Variants in CEP63 observed in about 807,000 individuals in gnomAD.
The protein encoded by CEP63 is centrosomal protein of 63 kDa.
In CEP63, 84 loss-of-function variants were observed where a neutral mutation model predicts 89.1. The ratio of observed to expected loss-of-function variants is 0.94; its 90% confidence interval spans 0.79 to 1.13. The LOEUF is 1.13. CEP63 is among the 50% of genes most tolerant of loss of function. The pLI is 0.00. For missense variants in CEP63, 838 were observed against 813.3 expected (o/e 1.03, Z -0.37); for synonymous variants, 267 against 272.5 (o/e 0.98, Z 0.20).
the CEP63 span, among the ~76,000 whole-genome samples, chr3:134,612,071 C>T: frequency 6.6e-6 from 1 of 152,200 alleles, no homozygotes; most frequent in African/African-American, 2.4e-5. Flanking sequence ...GCCTTAACCT[C>T]TGCTCACCTG....
chr3:134,704,396 T>A, the CEP63 span, among the ~76,000 whole-genome samples: 1 of 151,824 alleles, frequency 6.6e-6, no homozygotes, highest in Non-Finnish European at 1.5e-5. Flanking sequence ...AGTAGACATT[T>A]AGTAGGGGAG....
chr3:134,689,442 T>TTTTTTATTA, the CEP63 span, among the ~76,000 whole-genome samples: 19 of 96,432 alleles, frequency 2.0e-4, no homozygotes, highest in East Asian at 1.6e-3. Context: ...AAGGACCTTA[T>TTTTTTATTA]TTATTATTAT....
the CEP63 span, among the ~76,000 whole-genome samples, chr3:134,684,062 A>T: frequency 6.6e-6 from 1 of 152,202 alleles, no homozygotes; most frequent in Admixed American, 6.5e-5. Flanking sequence ...GTAAAACCAC[A>T]GATGTGTACT....
At chr3:134,718,177 C>A in the CEP63 span, among the ~76,000 whole-genome samples, 1 of 152,096 alleles carries the variant, frequency 6.6e-6, no homozygotes, top group Non-Finnish European at 1.5e-5. Flanking sequence ...CCAAGCTGTC[C>A]AATGAAAATC....
chr3:134,605,734 C>T, the CEP63 span, among the ~76,000 whole-genome samples: 1 of 152,018 alleles, frequency 6.6e-6, no homozygotes, highest in Non-Finnish European at 1.5e-5. Context: ...TTCCCTCTGC[C>T]CCCACCCTCC....
chr3:134,583,091 A>G (rs1006451697), intron 10 of CEP63, among the ~76,000 whole-genome samples: 10 of 152,132 alleles, frequency 6.6e-5, no homozygotes, highest in African/African-American at 2.4e-4. Flanking sequence ...CCTTTGTCAG[A>G]TGAGTAGGTT....
chr3:134,638,147 T>G, the CEP63 span, among the ~76,000 whole-genome samples: 2 of 152,170 alleles, frequency 1.3e-5, no homozygotes, highest in Non-Finnish European at 2.9e-5. Context: ...AGGGCACCAC[T>G]GGGAGGCTTT....
the CEP63 span, among the ~76,000 whole-genome samples, chr3:134,746,213 TC>T: frequency 6.6e-6 from 1 of 152,002 alleles, no homozygotes; most frequent in Admixed American, 6.6e-5. Context: ...AATGATGGTT[TC>T]CAGCTTTATC....
chr3:134,505,618 G>A (rs983144139), intron 2 of CEP63, among the ~76,000 whole-genome samples: 5 of 152,206 alleles, frequency 3.3e-5, no homozygotes, highest in Non-Finnish European at 7.3e-5. Flanking sequence ...ACAGGCACCA[G>A]TGGTGGCAGT....
intron 3 of CEP63, among the ~76,000 whole-genome samples, chr3:134,526,911 T>G (rs527494319): frequency 1.2e-5 from 1 of 84,238 alleles, no homozygotes; most frequent in East Asian, 5.8e-4. Context: ...CTGTGTGCTC[T>G]AACTCTGGGG....
chr3:134,771,564 GCTGTTT>G, the CEP63 span, among the ~76,000 whole-genome samples: 103,749 of 151,326 alleles, frequency 0.69, 37,361 homozygotes, highest in East Asian at 0.88. Context: ...TGTCGATGTT[GCTGTTT>G]CAAGAATCAT....
In CEP63 at chr3:134,502,981, A is replaced by G. The variant is rs550741479; in HGVS notation, c.45-4128A>G. 4.1e-4 allele frequency among the ~76,000 whole-genome samples: 63 copies of G among 152,130 alleles called. 1 individual carries two copies. In the Middle Eastern group the frequency reaches 0.01, roughly 25 times the overall value. ...TTTCATATCTGCCTTTGTTTACCCA[A>G]AAGCCATTCAAGAGCAAGTTGTTTA... On this transcript the variant is annotated intron_variant, in intron 2 of 14. Transcript: ENST00000675561.
At chr3:134,619,354 C>T in the CEP63 span, 1 of 975,594 alleles carries the variant, frequency 1.0e-6, no homozygotes, top group Non-Finnish European at 1.7e-6. Flanking sequence ...CTGGCCATCA[C>T]CAGCCCCAGG....
At chr3:134,731,933 G>A in the CEP63 span, among the ~76,000 whole-genome samples, 2 of 152,192 alleles carry the variant, frequency 1.3e-5, no homozygotes, top group East Asian at 3.8e-4. Flanking sequence ...CATAGCATCA[G>A]CCAAGGGAAA....
chr3:134,690,794 G>A, the CEP63 span, among the ~76,000 whole-genome samples: 7 of 145,868 alleles, frequency 4.8e-5, no homozygotes, highest in East Asian at 7.8e-4. Flanking sequence ...TGTCACCCAG[G>A]CTGGAGTGCA....
chr3:134,754,411 T>C, the CEP63 span, among the ~76,000 whole-genome samples: 1 of 152,218 alleles, frequency 6.6e-6, no homozygotes, highest in African/African-American at 2.4e-5. Flanking sequence ...GTCAACACAA[T>C]GGCTGCCCAG....
chr3:134,512,977 C>G (rs1227969246), intron 3 of CEP63, among the ~76,000 whole-genome samples: 1 of 152,146 alleles, frequency 6.6e-6, no homozygotes, highest in Non-Finnish European at 1.5e-5. Flanking sequence ...ACCATTGATT[C>G]TTTCTGAAAT....
the CEP63 span, among the ~76,000 whole-genome samples, chr3:134,677,559 C>T: frequency 6.6e-6 from 1 of 152,124 alleles, no homozygotes; most frequent in African/African-American, 2.4e-5. Flanking sequence ...TCCTCAGCTT[C>T]CTCGATGGCC....
chr3:134,495,327 G>C lies in CEP63; in HGVS notation c.7G>C (p.Ala3Pro). The change falls in exon 2 of 15, where the codon GCT becomes CCT. Residue 3 changes from alanine to proline, a missense_variant. Coordinates refer to ENST00000675561, the MANE Select transcript of CEP63 (RefSeq NM_001353108.3). ...AAACAAAGGGGATTTGGTGATGGAGGCTTTGTTAGAAGGAATACAAAATCG... is the reference window on the plus strand; with the variant it reads ...AAACAAAGGGGATTTGGTGATGGAGCCTTTGTTAGAAGGAATACAAAATCG... ME[A>P]LLEGIQNRGH... is the part of the protein sequence containing the mutation. The C allele has an allele frequency of 6.2e-7, 1 of 1,613,722 alleles. No individual in the cohort carries two copies. Among genetic ancestry groups the C allele is most frequent in the South Asian group, 1.1e-5 (1 of 91,038 alleles).
Sources: allele counts gnomAD v4.1 joint callset (sites outside exome capture counted in the v4.1 genomes callset), GRCh38; gene constraint gnomAD v4.1.1; transcripts MANE v1.5; gene names NCBI Gene and HGNC (gene_info 2026-07-23, HGNC 2026-07-21).